Variants in ARPC1A observed in about 807,000 individuals in gnomAD.
ARPC1A encodes actin related protein 2/3 complex subunit 1A.
ARPC1A carries 8 observed loss-of-function variants against 46.9 expected under a neutral mutation model. That is an observed-to-expected ratio of 0.17 (90% confidence interval 0.10 to 0.31). The LOEUF is 0.31. Ranked by LOEUF, ARPC1A falls within the 10% of genes least tolerant of loss-of-function variation. The probability of loss-of-function intolerance (pLI) is 1.00; values close to 1 mark genes in which losing one functional copy is unlikely to be tolerated. For synonymous variants in ARPC1A, 152 were observed against 169.0 expected (o/e 0.90, Z 0.78); for missense variants, 286 against 483.6 (o/e 0.59, Z 3.83).
intron 4 of ARPC1A, among the ~76,000 whole-genome samples, chr7:99,346,911 A>G (rs1415234538): frequency 6.6e-6 from 1 of 152,138 alleles, no homozygotes; most frequent in Non-Finnish European, 1.5e-5. Context: ...CCAGGGAGGT[A>G]GAGGTTGCAA....
chr7:99,335,798 C>CA (rs1793240003), intron 2 of ARPC1A, among the ~76,000 whole-genome samples: 2 of 152,102 alleles, frequency 1.3e-5, no homozygotes, highest in South Asian at 2.1e-4. Flanking sequence ...ATTAAAAATA[C>CA]AAAAAATTAG....
At chr7:99,357,332 G>C (rs946596958) in intron 6 of ARPC1A, among the ~76,000 whole-genome samples, 2 of 152,018 alleles carry the variant, frequency 1.3e-5, no homozygotes, top group Non-Finnish European at 2.9e-5. Context: ...CTTTATGAAG[G>C]GTGTCCTGAG....
intron 5 of ARPC1A, among the ~76,000 whole-genome samples, chr7:99,352,933 C>T (rs1793568035): frequency 6.6e-6 from 1 of 151,860 alleles, no homozygotes; most frequent in Admixed American, 6.6e-5. Context: ...CATTGCACTC[C>T]AGCCTGGGCA....
chr7:99,359,453 A>C, intron 7 of ARPC1A, 92 bp from the exon 8 acceptor site: 1 of 1,067,164 alleles, frequency 9.4e-7, no homozygotes, highest in Non-Finnish European at 1.3e-6. Flanking sequence ...AAAAAAAAAA[A>C]GAGTAAGAGA....
chr7:99,334,465 G>A (rs1793205288), intron 2 of ARPC1A, among the ~76,000 whole-genome samples: 1 of 152,106 alleles, frequency 6.6e-6, no homozygotes, highest in Non-Finnish European at 1.5e-5. Flanking sequence ...TTTGTTGCTT[G>A]TACTTCTGCT....
chr7:99,329,189 T>C (rs1793103016), intron 1 of ARPC1A, among the ~76,000 whole-genome samples: 1 of 151,628 alleles, frequency 6.6e-6, no homozygotes, highest in South Asian at 2.1e-4. Context: ...TAGTCCCAGC[T>C]ACTCGGGAGG....
intron 3 of ARPC1A, among the ~76,000 whole-genome samples, chr7:99,342,692 G>A (rs1375508383): frequency 2.0e-5 from 3 of 148,470 alleles, no homozygotes; most frequent in African/African-American, 7.5e-5. Context: ...GTAAATGAAT[G>A]AATAAACTAA....
At chr7:99,336,488 T>TA (rs1793254734) in intron 2 of ARPC1A, among the ~76,000 whole-genome samples, 1 of 112,440 alleles carries the variant, frequency 8.9e-6, no homozygotes, top group African/African-American at 4.7e-5. Flanking sequence ...TTAATTTTTT[T>TA]TTTTTTTTTT....
chr7:99,338,982 G>C (rs1045371615), intron 3 of ARPC1A, among the ~76,000 whole-genome samples: 5 of 152,240 alleles, frequency 3.3e-5, no homozygotes, highest in Non-Finnish European at 7.4e-5. Flanking sequence ...AGACTTTCCA[G>C]AATATTGAGA....
chr7:99,333,517 A>G (rs1169676163), intron 2 of ARPC1A, 100 bp downstream of exon 2: 13 of 994,310 alleles, frequency 1.3e-5, no homozygotes, highest in Non-Finnish European at 2.0e-5. Context: ...CACATGTGCA[A>G]AGAACATACA....
chr7:99,338,068 A>G (rs1352809310), intron 2 of ARPC1A, 113 bp from the exon 3 acceptor site: 4 of 711,516 alleles, frequency 5.6e-6, no homozygotes, highest in East Asian at 3.1e-5. Context: ...CTACTTTTTC[A>G]AAAGTTTTTC....
chr7:99,347,232 G>A (rs556618756), intron 4 of ARPC1A, among the ~76,000 whole-genome samples: 1 of 152,182 alleles, frequency 6.6e-6, no homozygotes, highest in East Asian at 1.9e-4. Flanking sequence ...ACCACACCTG[G>A]CTAATTTTTT....
rs371122521 is a variant in ARPC1A, at chr7:99,359,527, G to A, written c.790-18G>A. ...GTGGGCAGTGCATCCTCCAGGGACT[G>A]ACTGAGTCTTGTTTCAGGGCCATGA... On this transcript the variant is annotated intron_variant, in intron 7 of 9. Transcript: ENST00000262942. 8.6e-5 allele frequency: 138 copies of A among 1,613,150 alleles called. No homozygotes were observed. In the African/African-American group the frequency reaches 1.7e-3, roughly 20 times the overall value.
chr7:99,338,140 G>A, intron 2 of ARPC1A, 41 bp from the exon 3 acceptor site: 1 of 1,456,020 alleles, frequency 6.9e-7, no homozygotes, highest in African/African-American at 1.4e-5. Context: ...GGTGACAATT[G>A]CAAGTTCAGG....
At chr7:99,335,146 C>T (rs763592540) in intron 2 of ARPC1A, among the ~76,000 whole-genome samples, 2 of 151,762 alleles carry the variant, frequency 1.3e-5, no homozygotes, top group Non-Finnish European at 2.9e-5. Context: ...GCCCGGCCCA[C>T]ACCTGGCTAA....
chr7:99,330,443 T>G (rs1481372007), intron 1 of ARPC1A, among the ~76,000 whole-genome samples: 2 of 152,184 alleles, frequency 1.3e-5, no homozygotes, highest in African/African-American at 4.8e-5. Flanking sequence ...GCCTCCTGAG[T>G]AGCTGGAATT....
intron 2 of ARPC1A, among the ~76,000 whole-genome samples, chr7:99,337,893 C>T (rs113826158): frequency 6.6e-4 from 101 of 152,162 alleles, no homozygotes; most frequent in African/African-American, 2.4e-3. Flanking sequence ...TAGCTAAGTA[C>T]ACTAACATTG....
chr7:99,330,652 T>G (rs1401686735), intron 1 of ARPC1A, among the ~76,000 whole-genome samples: 3 of 152,216 alleles, frequency 2.0e-5, no homozygotes, highest in Non-Finnish European at 2.9e-5. Flanking sequence ...CTGCTTCTGC[T>G]TTCTGAGACT....
chr7:99,347,542 T>C (rs1793474978), intron 4 of ARPC1A, among the ~76,000 whole-genome samples: 2 of 151,672 alleles, frequency 1.3e-5, no homozygotes. Flanking sequence ...TAATCTCCTC[T>C]AAAATTACAA....
Sources: gnomAD v4.1 joint callset for allele counts (sites outside exome capture counted in the v4.1 genomes callset) on GRCh38, gnomAD v4.1.1 for gene constraint, MANE v1.5 for transcripts, NCBI Gene and HGNC (gene_info 2026-07-23, HGNC 2026-07-21) for gene names.